DHDDS: variants seen among roughly 807,000 people sequenced by gnomAD.
DHDDS encodes the protein dehydrodolichyl diphosphate synthase subunit.
A neutral mutation model predicts 46.2 loss-of-function variants in DHDDS; 16 were observed. The observed-to-expected ratio is 0.35, with a 90% CI of 0.23 to 0.53. The LOEUF (loss-of-function observed/expected upper bound fraction) is 0.53. Among genes scored for constraint, DHDDS ranks in the 20% least tolerant of loss-of-function variants. DHDDS has a pLI of 0.94. For missense variants in DHDDS, 340 were observed against 423.7 expected, an observed-to-expected ratio of 0.80 and a Z score of 1.73; for synonymous variants, 151 against 163.1, an observed-to-expected ratio of 0.93 and a Z score of 0.56.
At position 26,469,297 on chromosome 1, in the gene DHDDS, C is replaced by T; in HGVS notation, c.*166C>T. 5 of 1,298,694 alleles carry T rather than the reference C, an allele frequency of 3.9e-6. No individual in the cohort carries two copies. In the South Asian group the frequency reaches 6.4e-5, roughly 17 times the overall value. The allele number at this position is 1,298,694 out of a possible 1,614,324, so 80.4% of individuals were successfully genotyped here. ...TTTGCTGGCCATAGATACCTTTGGGCTGCCTGGGACAGGCTCCTGAGGAGG... is the reference window on the plus strand; with the variant it reads ...TTTGCTGGCCATAGATACCTTTGGGTTGCCTGGGACAGGCTCCTGAGGAGG... On this transcript the variant is annotated 3_prime_UTR_variant, in exon 9 of 9. Coordinates refer to ENST00000236342, the MANE Select transcript of DHDDS (RefSeq NM_205861.3).
Position 26,469,289 on chromosome 1 carries a change from C to T in DHDDS, c.*158C>T. The T allele has an allele frequency of 2.2e-6, 3 of 1,377,742 alleles. No individual in the cohort carries two copies. The highest frequency in any genetic ancestry group is 3.0e-6 in the Non-Finnish European group (3 of 1,002,814). The allele number at this position is 1,377,742 out of a possible 1,614,324, so 85.3% of individuals were successfully genotyped here. ...AGGCCAGGTTTGCTGGCCATAGATA[C>T]CTTTGGGCTGCCTGGGACAGGCTCC... On this transcript the variant is annotated 3_prime_UTR_variant, in exon 9 of 9. Coordinates refer to ENST00000236342, the MANE Select transcript of DHDDS (RefSeq NM_205861.3).
At chr1:26,438,339 G>A (rs774040316) in intron 3 of DHDDS, 55 bp downstream of exon 3, 12 of 1,515,854 alleles carry the variant, frequency 7.9e-6, no homozygotes, top group Non-Finnish European at 1.1e-5. Context: ...GTAGATTATA[G>A]CTAGAAAACC....
intron 8 of DHDDS, among the ~76,000 whole-genome samples, chr1:26,466,532 C>T (rs757347640): frequency 6.6e-6 from 1 of 152,226 alleles, no homozygotes; most frequent in Non-Finnish European, 1.5e-5. Flanking sequence ...TGTAAAATGA[C>T]GAGCAGACAC....
Position 26,434,802 on chromosome 1 carries a change from G to A in DHDDS, c.63+1794G>A, listed in dbSNP as rs185570247. ...CCAAGTAGCTGGGATTATAGGCACC[G>A]GCCACCATGCCTGGCTAATTTTTTT... On this transcript the variant is annotated intron_variant, in intron 2 of 8. Transcript: ENST00000236342. Among the ~76,000 whole-genome samples, 364 of 150,418 alleles carry A rather than the reference G, an allele frequency of 2.4e-3. 9 individuals are homozygous for A. The East Asian group carries it at 0.066, about 27-fold the overall frequency.
chr1:26,468,811 G>GGCCCAC, intron 8 of DHDDS, 84 bp from the exon 9 acceptor site: 1 of 637,986 alleles, frequency 1.6e-6, no homozygotes, highest in Non-Finnish European at 2.6e-6. Context: ...CCCACCCTGT[G>GGCCCAC]CCCCACCCCC....
Position 26,457,722 on chromosome 1 carries a change from A to G in DHDDS, c.543-69A>G. 3.2e-6 allele frequency: 4 copies of G among 1,235,838 alleles called. No homozygotes were observed. In the South Asian group the frequency reaches 4.8e-5, roughly 15 times the overall value. The allele number at this position is 1,235,838 out of a possible 1,614,324, so 76.6% of individuals were successfully genotyped here. On this transcript the variant is annotated intron_variant, in intron 6 of 8. Coordinates refer to ENST00000236342, the MANE Select transcript of DHDDS (RefSeq NM_205861.3). ...AGAAGCCTATATATGGAAGTTCACC[A>G]TGAGAACACTACAGAAAGAGAATAC...
At chr1:26,443,576 C>T (rs1466846886) in intron 4 of DHDDS, among the ~76,000 whole-genome samples, 1 of 152,164 alleles carries the variant, frequency 6.6e-6, no homozygotes, top group Non-Finnish European at 1.5e-5. Flanking sequence ...CCAGAATTGC[C>T]CGAAAGTCTT....
At chr1:26,461,780 A>C (rs2075424808) in intron 8 of DHDDS, among the ~76,000 whole-genome samples, 1 of 152,234 alleles carries the variant, frequency 6.6e-6, no homozygotes, top group Non-Finnish European at 1.5e-5. Flanking sequence ...CAAATCACAA[A>C]GACTTGATCA....
intron 4 of DHDDS, among the ~76,000 whole-genome samples, chr1:26,444,195 A>T (rs2124413784): frequency 6.6e-6 from 1 of 152,370 alleles, no homozygotes; most frequent in Admixed American, 6.5e-5. Flanking sequence ...TTCGTTTATC[A>T]TGAAGTCCTG....
intron 8 of DHDDS, 88 bp from the exon 9 acceptor site, chr1:26,468,807 C>CCTT: frequency 8.4e-7 from 1 of 1,186,216 alleles, no homozygotes; most frequent in Admixed American, 2.1e-5. Context: ...TTGGCCCACC[C>CCTT]TGTGCCCCAC....
chr1:26,435,168 C>G lies in DHDDS; in HGVS notation c.63+2160C>G, dbSNP rs1481664142. Among the ~76,000 whole-genome samples the G allele has an allele frequency of 2.6e-5, 4 of 151,378 alleles. No homozygotes were observed. In the East Asian group the frequency reaches 7.8e-4, roughly 29 times the overall value. On this transcript the variant is annotated intron_variant, in intron 2 of 8. Coordinates refer to ENST00000236342, the MANE Select transcript of DHDDS (RefSeq NM_205861.3). ...GGGATTACAGGCGCTCGCCACCACG[C>G]CCGGCTAATTTTTCTTTATTTTTAG...
intron 6 of DHDDS, among the ~76,000 whole-genome samples, chr1:26,453,737 GC>G (rs766376533): frequency 2.6e-5 from 4 of 152,244 alleles, no homozygotes; most frequent in South Asian, 4.1e-4. Context: ...CTGGGTAACA[GC>G]CAGATCCTGT....
rs373249607 is a variant in DHDDS, at chr1:26,442,781, A to G, written c.231A>G (p.Ala77=). Reference sequence around the variant, plus strand: ...GCATCCTAGAGGTGACAGTCTACGCATTCAGCATTGAGAACTTCAAACGCT... The same window carrying G: ...GCATCCTAGAGGTGACAGTCTACGCGTTCAGCATTGAGAACTTCAAACGCT... The part of the protein sequence containing the change: ...NLGILEVTVY[A]FSIENFKRSK... Residue 77 remains alanine, a synonymous_variant, in exon 4 of 9, where the codon GCA becomes GCG. Transcript: ENST00000236342. The G allele has an allele frequency of 1.1e-5, 17 of 1,614,162 alleles. No homozygotes were observed. Among genetic ancestry groups the G allele is most frequent in the Non-Finnish European group, 1.3e-5 (15 of 1,180,026 alleles).
chr1:26,461,777 C>T (rs1298264200), intron 8 of DHDDS, among the ~76,000 whole-genome samples: 2 of 152,160 alleles, frequency 1.3e-5, no homozygotes, highest in Non-Finnish European at 2.9e-5. Flanking sequence ...AATCAAATCA[C>T]AAAGACTTGA....
chr1:26,452,140 G>A lies in DHDDS; in HGVS notation c.542+4480G>A, dbSNP rs569755729. On this transcript the variant is annotated intron_variant, in intron 6 of 8. Coordinates refer to ENST00000236342, the MANE Select transcript of DHDDS (RefSeq NM_205861.3). ...GGCTCACTGCAGCCTAGACCTCCTG[G>A]GCTCAAGAGATCCTTCCACCTCAGC... Among the ~76,000 whole-genome samples, 9 of 152,120 alleles carry A rather than the reference G, an allele frequency of 5.9e-5. No homozygotes were observed. In the South Asian group the frequency reaches 1.7e-3, roughly 28 times the overall value.
intron 8 of DHDDS, among the ~76,000 whole-genome samples, chr1:26,461,137 G>A (rs984573262): frequency 6.6e-6 from 1 of 152,190 alleles, no homozygotes; most frequent in African/African-American, 2.4e-5. Flanking sequence ...GCCTCCCAAA[G>A]TGCTGGGATT....
intron 7 of DHDDS, 121 bp from the exon 8 acceptor site, chr1:26,459,916 G>A (rs2075405463): frequency 1.2e-6 from 1 of 816,240 alleles, no homozygotes; most frequent in Non-Finnish European, 2.1e-6. Context: ...CAGGATGCCT[G>A]TAACATTGTC....
intron 4 of DHDDS, 178 bp downstream of exon 4, chr1:26,443,051 ACTTTTT>A: frequency 1.6e-6 from 1 of 619,964 alleles, no homozygotes; most frequent in Non-Finnish European, 2.2e-6. Flanking sequence ...TTTATTTCTA[ACTTTTT>A]AATAAAAAAG....
At chr1:26,451,299 G>A (rs762742669) in intron 6 of DHDDS, among the ~76,000 whole-genome samples, 3 of 152,180 alleles carry the variant, frequency 2.0e-5, no homozygotes, top group East Asian at 1.9e-4. Context: ...AAGTCAGTGC[G>A]TTAATTACAA....
Sources: allele counts gnomAD v4.1 joint callset (sites outside exome capture counted in the v4.1 genomes callset), GRCh38; gene constraint gnomAD v4.1.1; transcripts MANE v1.5; gene names NCBI Gene and HGNC (gene_info 2026-07-23, HGNC 2026-07-21).